SFI1: variants seen among roughly 807,000 people sequenced by gnomAD.
The protein encoded by SFI1 is SFI1 centrin binding protein.
A neutral mutation model predicts 207.5 loss-of-function variants in SFI1; 195 were observed. The ratio of observed to expected loss-of-function variants is 0.94; its 90% CI spans 0.84 to 1.06. The LOEUF (loss-of-function observed/expected upper bound fraction) is 1.06, where lower values mean the gene tolerates loss of function less well. SFI1 is among the 50% of genes least tolerant of loss of function. The pLI, the probability that SFI1 is intolerant of heterozygous loss-of-function variation, is 0.00. For synonymous variants in SFI1, 630 were observed against 598.9 expected (o/e 1.05, Z -0.76); for missense variants, 1,634 against 1,588.0 (o/e 1.03, Z -0.49).
At chr22:31,562,305 G>A (rs563887882) in intron 8 of SFI1, among the ~76,000 whole-genome samples, 1 of 152,196 alleles carries the variant, frequency 6.6e-6, no homozygotes, top group African/African-American at 2.4e-5. Context: ...GAAAAAGTTT[G>A]CTGACCTCTG....
intron 2 of SFI1, among the ~76,000 whole-genome samples, chr22:31,509,407 C>T (rs1173477744): frequency 6.6e-6 from 1 of 152,204 alleles, no homozygotes; most frequent in Non-Finnish European, 1.5e-5. Flanking sequence ...CCTGGTAAAC[C>T]ATTGGTGTAA....
At chr22:31,548,587 G>A (rs868282489) in intron 5 of SFI1, among the ~76,000 whole-genome samples, 1 of 151,274 alleles carries the variant, frequency 6.6e-6, no homozygotes, top group Middle Eastern at 3.4e-3. Context: ...AGACTGCAGT[G>A]AGTCGAGATC....
chr22:31,547,101 G>A, intron 5 of SFI1, 130 bp downstream of exon 5: 1 of 635,722 alleles, frequency 1.6e-6, no homozygotes, highest in Non-Finnish European at 2.7e-6. Flanking sequence ...CCTTTTTGGA[G>A]TTAGCAAGAT....
intron 14 of SFI1, among the ~76,000 whole-genome samples, chr22:31,588,802 ACT>A (rs1432688985): frequency 3.3e-5 from 5 of 149,558 alleles, no homozygotes; most frequent in Non-Finnish European, 4.4e-5. Context: ...ACAGAGTGAG[ACT>A]CTGTCTCAAA....
At chr22:31,559,508 T>TC (rs2061473086) in intron 7 of SFI1, 2 of 532,056 alleles carry the variant, frequency 3.8e-6, no homozygotes, top group African/African-American at 3.8e-5. Context: ...CCTGAAAAGT[T>TC]CCAGCGTATT....
rs747621219 is a variant in SFI1 at position 31,589,432 on chromosome 22, A to C, written c.1414-15A>C. 1.9e-6 allele frequency: 3 copies of C among 1,581,882 alleles called. No homozygotes were observed. On this transcript the variant is annotated splice_polypyrimidine_tract_variant and intron_variant, in intron 14 of 32. Transcript: ENST00000400288. ...AAAAAGTTAAGTACAAAGGTTATTC[A>C]TTCTTTTACTTTAGCTGCTACAGGC...
In SFI1 at chr22:31,563,669, C is replaced by A. The variant is rs1356161977; in HGVS notation, c.765+2277C>A. 3.3e-5 allele frequency among the ~76,000 whole-genome samples: 5 copies of A among 151,664 alleles called. No homozygotes were observed. In the South Asian group the frequency reaches 1.0e-3, roughly 32 times the overall value. On this transcript the variant is annotated intron_variant, in intron 8 of 32. Coordinates refer to ENST00000400288, the MANE Select transcript of SFI1 (RefSeq NM_001007467.3). ...GGCACGATCTTGGCTCACTGCAACCCCTGCCTCCCGGGTTCAAGCGATTCT... is the reference window on the plus strand; with the variant it reads ...GGCACGATCTTGGCTCACTGCAACCACTGCCTCCCGGGTTCAAGCGATTCT...
At chr22:31,539,377 A>G (rs1400044706) in intron 4 of SFI1, among the ~76,000 whole-genome samples, 6 of 152,172 alleles carry the variant, frequency 3.9e-5, no homozygotes, top group African/African-American at 7.2e-5. Flanking sequence ...TATAAGACCA[A>G]CCAACTTTTT....
intron 31 of SFI1, 45 bp from the exon 32 acceptor site, chr22:31,618,070 G>A (rs374631638): frequency 2.3e-5 from 36 of 1,539,366 alleles, no homozygotes; most frequent in African/African-American, 5.5e-5. Flanking sequence ...ATGGGGCTCT[G>A]CCAAGGACCC....
intron 1 of SFI1, among the ~76,000 whole-genome samples, chr22:31,498,095 C>T (rs1386851989): frequency 1.3e-5 from 2 of 152,128 alleles, no homozygotes; most frequent in African/African-American, 4.8e-5. Context: ...GAGTTTGAGA[C>T]CAGCCTGGCC....
chr22:31,535,080 T>C (rs1220861322), intron 4 of SFI1, among the ~76,000 whole-genome samples: 1 of 152,066 alleles, frequency 6.6e-6, no homozygotes, highest in African/African-American at 2.4e-5. Context: ...TTGGCCAGGC[T>C]AGTCTTGAAC....
intron 7 of SFI1, among the ~76,000 whole-genome samples, chr22:31,558,829 T>G (rs2061410916): frequency 6.6e-6 from 1 of 151,978 alleles, no homozygotes; most frequent in South Asian, 2.1e-4. Flanking sequence ...ATTTATTTAT[T>G]TATTTGAGAC....
At chr22:31,559,171 C>T (rs1473056163) in intron 7 of SFI1, among the ~76,000 whole-genome samples, 1 of 151,992 alleles carries the variant, frequency 6.6e-6, no homozygotes, top group African/African-American at 2.4e-5. Context: ...GCCTGTAATC[C>T]CAGCACTTTG....
chr22:31,540,310 G>A (rs1381923374), intron 4 of SFI1, among the ~76,000 whole-genome samples: 1 of 150,900 alleles, frequency 6.6e-6, no homozygotes, highest in East Asian at 1.9e-4. Flanking sequence ...TTGAGACAGA[G>A]TCTTACTCTG....
intron 8 of SFI1, among the ~76,000 whole-genome samples, chr22:31,562,790 C>T (rs534835069): frequency 2.7e-4 from 41 of 151,558 alleles, no homozygotes; most frequent in South Asian, 2.1e-3. Flanking sequence ...CCCGCCACCA[C>T]GCCCGGCTAA....
chr22:31,496,498 CCCGCGCG>C (rs2052666869), upstream of SFI1: 4 of 152,288 alleles, frequency 2.6e-5, no homozygotes, highest in African/African-American at 9.7e-5. Context: ...CGAGGGCGGG[CCCGCGCG>C]AGACTGGCGT....
At chr22:31,600,809 G>A (rs933521909) in intron 15 of SFI1, among the ~76,000 whole-genome samples, 1 of 152,232 alleles carries the variant, frequency 6.6e-6, no homozygotes, top group Non-Finnish European at 1.5e-5. Context: ...ACTGTCCAGC[G>A]CCTGAAGACA....
chr22:31,614,270 T>G, intron 27 of SFI1: 1 of 317,270 alleles, frequency 3.2e-6, no homozygotes. Context: ...AGCCCCTCTT[T>G]CTTGTGTGAG....
At chr22:31,539,276 G>A (rs113730651) in intron 4 of SFI1, among the ~76,000 whole-genome samples, 29 of 152,210 alleles carry the variant, frequency 1.9e-4, no homozygotes, top group African/African-American at 6.5e-4. Flanking sequence ...ATCTTCTCAG[G>A]AGGTAGTCTG....
Sources: allele counts gnomAD v4.1 joint callset (sites outside exome capture counted in the v4.1 genomes callset), GRCh38; gene constraint gnomAD v4.1.1; transcripts MANE v1.5; gene names NCBI Gene and HGNC (gene_info 2026-07-23, HGNC 2026-07-21).